The following GNA15 variants were observed in gnomAD, a reference collection of about 807,000 sequenced individuals.
The protein encoded by GNA15 is G protein subunit alpha 15.
Under a neutral mutation model 40.1 loss-of-function variants are expected in GNA15, and 23 were observed. That is an observed-to-expected ratio of 0.57 (90% CI 0.41 to 0.81). GNA15 has a LOEUF of 0.81. GNA15 is among the 40% of genes least tolerant of loss of function. The pLI, the probability that GNA15 is intolerant of heterozygous loss-of-function variation, is 0.00. For synonymous variants in GNA15, 226 were observed against 210.4 expected, an observed-to-expected ratio of 1.07 and a Z score of -0.64; for missense variants, 522 against 515.8, an observed-to-expected ratio of 1.01 and a Z score of -0.12.
rs1371289777 is a variant in GNA15, at chr19:3,144,003, C to T, written c.146-4588C>T. ...GCTGGGCATGGTGGTGGGCGCCTGTCGTCCCAGCTGCTTGGGAGGCTGAGG... is the reference window on the plus strand; with the variant it reads ...GCTGGGCATGGTGGTGGGCGCCTGTTGTCCCAGCTGCTTGGGAGGCTGAGG... On this transcript the variant is annotated intron_variant, in intron 1 of 6. Transcript: ENST00000262958. 5.3e-5 allele frequency among the ~76,000 whole-genome samples: 8 copies of T among 151,538 alleles called. No individual in the cohort carries two copies. The East Asian group carries it at 7.8e-4, about 15-fold the overall frequency.
chr19:3,163,056 G>T lies in GNA15; in HGVS notation c.*37G>T, dbSNP rs1045450594. 2 of 1,428,514 alleles carry T rather than the reference G, an allele frequency of 1.4e-6. No homozygotes were observed. The highest frequency in any genetic ancestry group is 1.7e-5 in the Admixed American group (1 of 59,444). 88.5% of individuals were successfully genotyped at this position (1,428,514 alleles called of 1,614,324 possible). A position where few individuals can be genotyped will look rare whatever the true frequency, so the allele number is the denominator to read the frequency against. On this transcript the variant is annotated 3_prime_UTR_variant, in exon 7 of 7. Coordinates refer to ENST00000262958, the MANE Select transcript of GNA15 (RefSeq NM_002068.4). The stretch of plus-strand genomic sequence containing the variant: ...CCTGGGGCAGGCGGCACCGGCGGGC[G>T]GGTGGGAGGTGGGAGTGGCTGCAGG...
In GNA15 at chr19:3,162,870, G is replaced by A. The variant is rs752679814; in HGVS notation, c.976G>A (p.Gly326Ser). The A allele has an allele frequency of 5.6e-6, 9 of 1,613,840 alleles. No individual in the cohort carries two copies. The East Asian group carries it at 1.8e-4, about 32-fold the overall frequency. The change falls in exon 7 of 7, where the codon GGC (glycine) becomes AGC (serine). Residue 326 changes from glycine to serine, a missense_variant. Physicochemically the swap from Gly to Ser is moderately conservative, Grantham distance 56. Coordinates refer to ENST00000262958, the MANE Select transcript of GNA15 (RefSeq NM_002068.4). ...YTRMYTGCVD[G>S]PEGSKKGARS... ...GAGGATGTACACCGGGTGCGTGGACGGCCCCGAGGGCAGCAAGAAGGGCGC... is the reference window on the plus strand; with the variant it reads ...GAGGATGTACACCGGGTGCGTGGACAGCCCCGAGGGCAGCAAGAAGGGCGC...
intron 1 of GNA15, among the ~76,000 whole-genome samples, chr19:3,140,921 C>T (rs540920065): frequency 2.0e-5 from 3 of 152,354 alleles, no homozygotes; most frequent in African/African-American, 7.2e-5. Context: ...ACATCCATGT[C>T]CCCAGGCACT....
chr19:3,163,219 C>G lies in GNA15; in HGVS notation c.*200C>G. On this transcript the variant is annotated 3_prime_UTR_variant, in exon 7 of 7. Coordinates refer to ENST00000262958, the MANE Select transcript of GNA15 (RefSeq NM_002068.4). ...GCCCCCCAGGGTACTCCTGCCCTTGCTTGACTCAGTTTCCCTCCTTTGAAA... is the reference window on the plus strand; with the variant it reads ...GCCCCCCAGGGTACTCCTGCCCTTGGTTGACTCAGTTTCCCTCCTTTGAAA... 1.7e-6 allele frequency: 1 copy of G among 586,502 alleles called. No homozygotes were observed. The highest frequency in any genetic ancestry group is 3.0e-6 in the Non-Finnish European group (1 of 328,708). 36.3% of individuals were successfully genotyped at this position (586,502 alleles called of 1,614,324 possible).
rs765270851 is a variant in GNA15 at position 3,148,740 on chromosome 19, C to T, written c.295C>T (p.Arg99Trp). 4.4e-6 allele frequency: 7 copies of T among 1,602,866 alleles called. No homozygotes were observed. The highest frequency in any genetic ancestry group is 4.5e-5 in the East Asian group (2 of 44,442). ...SMRAMIEAME[R>W]LQIPFSRPES... ...GCGGGCCATGATCGAGGCCATGGAG[C>T]GGCTGCAGATTCCATTCAGCAGGCC... The change falls in exon 2 of 7, where the codon CGG (arginine) becomes TGG (tryptophan). Residue 99 changes from arginine to tryptophan, a missense_variant. Coordinates refer to ENST00000262958, the MANE Select transcript of GNA15 (RefSeq NM_002068.4).
intron 2 of GNA15, 97 bp from the exon 3 acceptor site, chr19:3,150,034 G>A (rs763642772): frequency 9.1e-6 from 9 of 988,598 alleles, no homozygotes; most frequent in African/African-American, 4.9e-5. Context: ...GGAAGAGAGC[G>A]TGTTTCAGGG....
Position 3,163,312 on chromosome 19 carries a change from G to A in GNA15, c.*293G>A, listed in dbSNP as rs1915183197. The A allele has an allele frequency of 2.2e-6, 1 of 446,268 alleles. No homozygotes were observed. Among genetic ancestry groups the A allele is most frequent in the East Asian group, 4.3e-5 (1 of 23,222 alleles). The allele number at this position is 446,268 out of a possible 1,614,324, so 27.6% of individuals were successfully genotyped here. A position where few individuals can be genotyped will look rare whatever the true frequency, so the allele number is the denominator to read the frequency against. ...AAAGGTGAAGAAATCAGGGGATTGA[G>A]GACTTGGGTGGGTGGGCATCTCTCA... On this transcript the variant is annotated 3_prime_UTR_variant, in exon 7 of 7. Transcript: ENST00000262958.
In GNA15 at chr19:3,155,835, C is replaced by T. The variant is rs946234688; in HGVS notation, c.627C>T (p.Val209=). Reference sequence around the variant, plus strand: ...CGGTTCCCTGTAGGATCGTGGACGTCGGGGGCCAGAAGTCAGAGCGTAAGA... The same window carrying T: ...CGGTTCCCTGTAGGATCGTGGACGTTGGGGGCCAGAAGTCAGAGCGTAAGA... The part of the protein sequence containing the change: ...VQKTNLRIVD[V]GGQKSERKKW... The change falls in exon 5 of 7, where the codon GTC becomes GTT. Residue 209 remains valine (V), a synonymous_variant. Coordinates refer to ENST00000262958, the MANE Select transcript of GNA15 (RefSeq NM_002068.4). This position sits in a 1 kb window ranked among gnomAD's most constrained non-coding sequence, Gnocchi z 5.6. 2.1e-5 allele frequency: 34 copies of T among 1,613,232 alleles called. No individual in the cohort carries two copies. The highest frequency in any genetic ancestry group is 2.9e-5 in the Non-Finnish European group (34 of 1,179,908).
chr19:3,150,082 A>G, intron 2 of GNA15, 49 bp from the exon 3 acceptor site: 1 of 1,551,504 alleles, frequency 6.4e-7, no homozygotes, highest in Non-Finnish European at 8.8e-7. Context: ...TGCGGAGGGC[A>G]GCCCCACTCA....
At chr19:3,157,124 A>G (rs1325161641) in intron 5 of GNA15, among the ~76,000 whole-genome samples, 1 of 151,808 alleles carries the variant, frequency 6.6e-6, no homozygotes, top group African/African-American at 2.4e-5. Context: ...CAGCCTCCCG[A>G]GTAGCTGGGT....
intron 5 of GNA15, among the ~76,000 whole-genome samples, chr19:3,157,390 C>T (rs1915053817): frequency 6.6e-6 from 1 of 152,196 alleles, no homozygotes. Context: ...TTCAAAGACC[C>T]TATCTCCAGG....
chr19:3,138,266 CAA>C (rs1026091965), intron 1 of GNA15, among the ~76,000 whole-genome samples: 3 of 144,812 alleles, frequency 2.1e-5, no homozygotes, highest in Admixed American at 6.9e-5. Context: ...AACTCCGTCT[CAA>C]AAAAAAAAAA....
At chr19:3,161,836 C>T (rs1915143417) in intron 6 of GNA15, among the ~76,000 whole-genome samples, 1 of 152,024 alleles carries the variant, frequency 6.6e-6, no homozygotes, top group South Asian at 2.1e-4. Flanking sequence ...AGTTTGAGAC[C>T]AGCCTGGCCA....
Position 3,154,098 on chromosome 19 carries a change from G to A in GNA15, c.615-1725G>A, listed in dbSNP as rs369408501. ...TGAATAGATGGGTAGATGGATAGAC[G>A]GATAGATGGATGGATGAGTGAATGA... On this transcript the variant is annotated intron_variant, in intron 4 of 6. Transcript: ENST00000262958. Among the ~76,000 whole-genome samples the A allele has an allele frequency of 8.7e-5, 13 of 150,018 alleles. No individual in the cohort carries two copies. The East Asian group carries it at 2.6e-3, about 30-fold the overall frequency.
At chr19:3,152,335 G>A (rs1477276263) in intron 4 of GNA15, among the ~76,000 whole-genome samples, 1 of 152,150 alleles carries the variant, frequency 6.6e-6, no homozygotes, top group African/African-American at 2.4e-5. Flanking sequence ...ATGGGCAAGA[G>A]TTGTTTCTGA....
chr19:3,157,470 G>A (rs975576549), intron 5 of GNA15, among the ~76,000 whole-genome samples: 2 of 152,220 alleles, frequency 1.3e-5, no homozygotes, highest in Non-Finnish European at 2.9e-5. Context: ...TCTCTCTCCA[G>A]ATAAGGTCAC....
intron 1 of GNA15, chr19:3,141,584 C>CG (rs1413361931): frequency 6.6e-6 from 1 of 152,042 alleles, no homozygotes; most frequent in Non-Finnish European, 1.5e-5. Flanking sequence ...TTAGTAGAGA[C>CG]GGGGTTTCAC....
At position 3,136,550 on chromosome 19, in the gene GNA15, G is replaced by A. The variant is rs746158062; in HGVS notation, c.100G>A (p.Glu34Lys). ...VDQEINRILLEQKKQDRGELK... is the reference protein window; with the variant it reads ...VDQEINRILLKQKKQDRGELK... ...CCAGGAGATCAACAGGATCCTCTTG[G>A]AGCAGAAGAAGCAGGACCGCGGGGA... Residue 34 changes from glutamate to lysine, a missense_variant, in exon 1 of 7, where the codon GAG (glutamate) becomes AAG (lysine). Coordinates refer to ENST00000262958, the MANE Select transcript of GNA15 (RefSeq NM_002068.4). The surrounding 1 kb of genome is among the most constrained non-coding windows in gnomAD (Gnocchi z 4.9). 25 of 1,569,498 alleles carry A rather than the reference G, an allele frequency of 1.6e-5. No individual in the cohort carries two copies. The highest frequency in any genetic ancestry group is 2.2e-5 in the Non-Finnish European group (25 of 1,157,588).
intron 2 of GNA15, 96 bp from the exon 3 acceptor site, chr19:3,150,035 T>C: frequency 1.0e-6 from 1 of 999,812 alleles, no homozygotes; most frequent in South Asian, 1.5e-5. Flanking sequence ...GAAGAGAGCG[T>C]GTTTCAGGGA....
Sources: allele counts gnomAD v4.1 joint callset (sites outside exome capture counted in the v4.1 genomes callset), GRCh38; gene constraint gnomAD v4.1.1; non-coding constraint Gnocchi (gnomAD v3.1); transcripts MANE v1.5; gene names NCBI Gene and HGNC (gene_info 2026-07-23, HGNC 2026-07-21).